The following TFAP2C variants were observed in gnomAD, a reference collection of about 807,000 sequenced individuals.
The protein encoded by TFAP2C is activating enhancer-binding protein 2 gamma.
A neutral mutation model predicts 42.9 loss-of-function variants in TFAP2C; 9 were observed. The ratio of observed to expected loss-of-function variants is 0.21; its 90% CI spans 0.13 to 0.37. The LOEUF (loss-of-function observed/expected upper bound fraction) is 0.37. Ranked by LOEUF, TFAP2C falls within the 10% of genes least tolerant of loss-of-function variation. TFAP2C has a pLI of 1.00. For missense variants in TFAP2C, 462 were observed against 591.7 expected, an observed-to-expected ratio of 0.78 and a Z score of 2.27; for synonymous variants, 264 against 256.0, an observed-to-expected ratio of 1.03 and a Z score of -0.30.
chr20:56,633,672 A>G, intron 4 of TFAP2C, 103 bp downstream of exon 4: 1 of 820,880 alleles, frequency 1.2e-6, no homozygotes, highest in South Asian at 1.6e-5. Flanking sequence ...TATGCCTAAC[A>G]CTGAATTCTA....
At position 56,634,174 on chromosome 20, in the gene TFAP2C, G is replaced by C. The variant is rs1300403318; in HGVS notation, c.828G>C (p.Arg276=). 1.9e-6 allele frequency: 3 copies of C among 1,613,934 alleles called. No homozygotes were observed. The highest frequency in any genetic ancestry group is 2.5e-6 in the Non-Finnish European group (3 of 1,179,962). Residue 276 remains arginine, a synonymous_variant, in exon 5 of 7, where the codon CGG becomes CGC. Coordinates refer to ENST00000201031, the MANE Select transcript of TFAP2C (RefSeq NM_003222.4). ...GAGCCAAATCGAAAAATGGAGGCCG[G>C]TCCTTGCGGGAGAAGTTGGACAAGA... ...LRRAKSKNGG[R]SLREKLDKIG... is the part of the protein sequence containing the mutation.
chr20:56,629,450 G>A lies in TFAP2C; in HGVS notation c.-95G>A. On this transcript the variant is annotated 5_prime_UTR_variant, in exon 1 of 7. Transcript: ENST00000201031. The surrounding 1 kb of genome is among the most constrained non-coding windows in gnomAD (Gnocchi z 5.9). ...GCGCGCGGCGGGGGCGGCGGCAGACGCCTGGTCACCGTGACCCCGATTTTG... is the reference window on the plus strand; with the variant it reads ...GCGCGCGGCGGGGGCGGCGGCAGACACCTGGTCACCGTGACCCCGATTTTG... 8.6e-7 allele frequency: 1 copy of A among 1,162,142 alleles called. No individual in the cohort carries two copies. Among genetic ancestry groups the A allele is most frequent in the Non-Finnish European group, 1.1e-6 (1 of 884,584 alleles). The allele number at this position is 1,162,142 out of a possible 1,614,324, so 72.0% of individuals were successfully genotyped here.
In TFAP2C at chr20:56,631,680, A is replaced by G; in HGVS notation, c.524A>G (p.Asp175Gly). The change falls in exon 2 of 7, where the codon GAC becomes GGC. Residue 175 changes from aspartate to glycine, a missense_variant. By Grantham distance (94) the Asp-to-Gly change is moderately conservative (BLOSUM62 -1). This residue lies in a region of TFAP2C where 271 missense variants were observed against 269.7 expected (regional missense o/e 1.00). Coordinates refer to ENST00000201031, the MANE Select transcript of TFAP2C (RefSeq NM_003222.4). The surrounding 1 kb of genome is among the most constrained non-coding windows in gnomAD (Gnocchi z 6.1). ...LGLHDMPHQM[D>G]EVQNVDDQHL... The stretch of plus-strand genomic sequence containing the variant: ...CTCCACGACATGCCTCACCAGATGG[A>G]CGAGGTGCAGGTGAGCGGCGCTGCG... The G allele has an allele frequency of 6.3e-7, 1 of 1,590,354 alleles. No individual in the cohort carries two copies.
intron 3 of TFAP2C, among the ~76,000 whole-genome samples, chr20:56,632,836 C>G (rs773121178): frequency 2.0e-5 from 3 of 151,932 alleles, no homozygotes; most frequent in Non-Finnish European, 2.9e-5. Context: ...AAAAAGAAAC[C>G]CTCCAAGCTT....
At chr20:56,636,937 A>G (rs1225495219) in intron 6 of TFAP2C, among the ~76,000 whole-genome samples, 183 bp downstream of exon 6, 3 of 152,234 alleles carry the variant, frequency 2.0e-5, no homozygotes, top group African/African-American at 7.2e-5. Flanking sequence ...TTTTTGTATG[A>G]TTTAGAAGAG....
chr20:56,632,874 G>A (rs896790847), intron 3 of TFAP2C, among the ~76,000 whole-genome samples: 2 of 151,962 alleles, frequency 1.3e-5, no homozygotes, highest in African/African-American at 4.8e-5. Flanking sequence ...ACTTCCCAAG[G>A]TGTTAACTTG....
Position 56,638,154 on chromosome 20 carries a change from T to G in TFAP2C, c.*141T>G. On this transcript the variant is annotated 3_prime_UTR_variant, in exon 7 of 7. Transcript: ENST00000201031. ...TACTATTTAAAGAGCCTTCACTGGTTCTGCATCACCCGCCCCTGGACTTCT... is the reference window on the plus strand; with the variant it reads ...TACTATTTAAAGAGCCTTCACTGGTGCTGCATCACCCGCCCCTGGACTTCT... 2 of 730,630 alleles carry G rather than the reference T, an allele frequency of 2.7e-6. No homozygotes were observed. Among genetic ancestry groups the G allele is most frequent in the South Asian group, 3.9e-5 (2 of 51,434 alleles). The allele number at this position is 730,630 out of a possible 1,614,324, so 45.3% of individuals were successfully genotyped here.
In TFAP2C at chr20:56,629,632, G is replaced by C; in HGVS notation, c.48+40G>C. 1 of 1,388,098 alleles carries C rather than the reference G, an allele frequency of 7.2e-7. No individual in the cohort carries two copies. The highest frequency in any genetic ancestry group is 9.4e-7 in the Non-Finnish European group (1 of 1,069,500). 86.0% of individuals were successfully genotyped at this position (1,388,098 alleles called of 1,614,324 possible). A position where few individuals can be genotyped will look rare whatever the true frequency, so the allele number is the denominator to read the frequency against. On this transcript the variant is annotated intron_variant, in intron 1 of 6. Transcript: ENST00000201031. This position sits in a 1 kb window ranked among gnomAD's most constrained non-coding sequence, Gnocchi z 5.9. The stretch of plus-strand genomic sequence containing the variant: ...CGGGGTGCAGCCCCGCCCCGCCGAG[G>C]ACAGTCCGGGAGGCAGGGGCCACTG...
In TFAP2C at chr20:56,633,546, G is replaced by A. The variant is rs139203976; in HGVS notation, c.780G>A (p.Ser260=). ...CCCCACCTGAATGCTTAAATGCCTC[G>A]TTACTGGGAGGTGTTCTCAGAAGGT... ...RLSPPECLNA[S]LLGGVLRRAK... The change falls in exon 4 of 7, where the codon TCG becomes TCA. Residue 260 remains serine (S), a synonymous_variant. Transcript: ENST00000201031. 23 of 1,613,958 alleles carry A rather than the reference G, an allele frequency of 1.4e-5. No individual in the cohort carries two copies. The highest frequency in any genetic ancestry group is 4.0e-5 in the African/African-American group (3 of 74,918).
chr20:56,631,011 C>T lies in TFAP2C; in HGVS notation c.49-194C>T, dbSNP rs561241360. 1.0e-6 allele frequency: 1 copy of T among 985,422 alleles called. No individual in the cohort carries two copies. Among genetic ancestry groups the T allele is most frequent in the African/African-American group, 1.7e-5 (1 of 57,370 alleles). The allele number at this position is 985,422 out of a possible 1,614,324, so 61.0% of individuals were successfully genotyped here. Reference sequence around the variant, plus strand: ...CAGGTCTTTCACCAGACTCTCCTCCCTCCCCGCACTCTTTGCTTACAACGA... The same window carrying T: ...CAGGTCTTTCACCAGACTCTCCTCCTTCCCCGCACTCTTTGCTTACAACGA... On this transcript the variant is annotated intron_variant, in intron 1 of 6. Coordinates refer to ENST00000201031, the MANE Select transcript of TFAP2C (RefSeq NM_003222.4). This position sits in a 1 kb window ranked among gnomAD's most constrained non-coding sequence, Gnocchi z 6.1.
chr20:56,631,942 C>A lies in TFAP2C; in HGVS notation c.586+86C>A. ...TGGCAAGGTTGGGGGTATTTGGTGG[C>A]CAGCGTGGGACATTTGTGGTAGAAG... On this transcript the variant is annotated intron_variant, in intron 3 of 6. Transcript: ENST00000201031. This position sits in a 1 kb window ranked among gnomAD's most constrained non-coding sequence, Gnocchi z 6.1. The A allele has an allele frequency of 6.8e-7, 1 of 1,460,922 alleles. No homozygotes were observed. Among genetic ancestry groups the A allele is most frequent in the Non-Finnish European group, 9.6e-7 (1 of 1,042,248 alleles). 90.5% of individuals were successfully genotyped at this position (1,460,922 alleles called of 1,614,324 possible).
At chr20:56,634,955 AAAAAC>A (rs1186916823) in intron 5 of TFAP2C, among the ~76,000 whole-genome samples, 2 of 152,230 alleles carry the variant, frequency 1.3e-5, no homozygotes, top group Admixed American at 6.5e-5. Context: ...ATAATTTTTT[AAAAAC>A]AAAACAAAGC....
rs758015521 is a variant in TFAP2C, at chr20:56,631,156, A to G, written c.49-49A>G. ...CCGGCGATGCCGGCCAGTTCGCAGT[A>G]GCGGGGTTTCGCACTAACGGGGTCT... On this transcript the variant is annotated intron_variant, in intron 1 of 6. Coordinates refer to ENST00000201031, the MANE Select transcript of TFAP2C (RefSeq NM_003222.4). This position sits in a 1 kb window ranked among gnomAD's most constrained non-coding sequence, Gnocchi z 6.1. The G allele has an allele frequency of 2.1e-5, 31 of 1,475,526 alleles. No homozygotes were observed. In the South Asian group the frequency reaches 3.8e-4, roughly 18 times the overall value. The allele number at this position is 1,475,526 out of a possible 1,614,324, so 91.4% of individuals were successfully genotyped here.
Position 56,631,560 on chromosome 20 carries a change from C to A in TFAP2C, c.404C>A (p.Ala135Glu). ...CACCTCTCCGGGCTGGAGGCGGGCG[C>A]GGTGAGCGCCCGCAGGGATGCCTAC... is the stretch of plus-strand genomic sequence containing the variant. ...LPHLSGLEAG[A>E]VSARRDAYRR... is the part of the protein sequence containing the mutation. The change falls in exon 2 of 7, where the codon GCG becomes GAG. Residue 135 changes from alanine (A) to glutamate (E), a missense_variant. By Grantham distance (107) the Ala-to-Glu change is moderately radical. Around this residue, in one of 5 missense-constraint regions of TFAP2C, gnomAD observed 271 missense variants for 269.7 expected, o/e 1.00. Coordinates refer to ENST00000201031, the MANE Select transcript of TFAP2C (RefSeq NM_003222.4). This position sits in a 1 kb window ranked among gnomAD's most constrained non-coding sequence, Gnocchi z 6.1. The A allele has an allele frequency of 6.5e-7, 1 of 1,530,508 alleles. No individual in the cohort carries two copies. The highest frequency in any genetic ancestry group is 1.2e-5 in the South Asian group (1 of 82,804). The allele number at this position is 1,530,508 out of a possible 1,614,324, so 94.8% of individuals were successfully genotyped here. A position where few individuals can be genotyped will look rare whatever the true frequency, so the allele number is the denominator to read the frequency against.
intron 4 of TFAP2C, among the ~76,000 whole-genome samples, 188 bp downstream of exon 4, chr20:56,633,757 T>C (rs541579615): frequency 2.0e-5 from 3 of 152,334 alleles, no homozygotes; most frequent in African/African-American, 7.2e-5. Flanking sequence ...AAAACGACGC[T>C]CACAAATTCT....
At chr20:56,632,862 TA>T (rs1987517456) in intron 3 of TFAP2C, among the ~76,000 whole-genome samples, 1 of 152,146 alleles carries the variant, frequency 6.6e-6, no homozygotes. Context: ...CTTCACTAAT[TA>T]ACTTCCCAAG....
chr20:56,633,593 A>C, intron 4 of TFAP2C, 24 bp downstream of exon 4: 1 of 1,593,740 alleles, frequency 6.3e-7, no homozygotes, highest in Non-Finnish European at 8.6e-7. Context: ...AATTCTAGGC[A>C]TAGTGGTTGG....
At position 56,631,642 on chromosome 20, in the gene TFAP2C, C is replaced by G. The variant is rs1349819003; in HGVS notation, c.486C>G (p.Ala162=). Residue 162 remains alanine (A), a synonymous_variant, in exon 2 of 7, where the codon GCC becomes GCG. Transcript: ENST00000201031. This position sits in a 1 kb window ranked among gnomAD's most constrained non-coding sequence, Gnocchi z 6.1. The stretch of plus-strand genomic sequence containing the variant: ...ACGCCCTGGATGCCGCGGGCCTGGC[C>G]GAGAACCTGGGGCTCCACGACATGC... ...HAHALDAAGL[A]ENLGLHDMPH... The G allele has an allele frequency of 4.4e-6, 7 of 1,580,408 alleles. No homozygotes were observed. The highest frequency in any genetic ancestry group is 6.0e-6 in the Non-Finnish European group (7 of 1,168,900).
chr20:56,631,608 C>A lies in TFAP2C; in HGVS notation c.452C>A (p.Pro151His). The change falls in exon 2 of 7, where the codon CCC (proline) becomes CAC (histidine). Residue 151 changes from proline to histidine, a missense_variant. Physicochemically the swap from Pro to His is moderately conservative, Grantham distance 77. Around this residue, in one of 5 missense-constraint regions of TFAP2C, gnomAD observed 271 missense variants for 269.7 expected, o/e 1.00. Transcript: ENST00000201031. This position sits in a 1 kb window ranked among gnomAD's most constrained non-coding sequence, Gnocchi z 6.1. ...TACCGCCGCTCCGACCTGCTGCTGC[C>A]CCACGCACACGCCCTGGATGCCGCG... ...DAYRRSDLLL[P>H]HAHALDAAGL... The A allele has an allele frequency of 6.4e-7, 1 of 1,564,316 alleles. No homozygotes were observed. Among genetic ancestry groups the A allele is most frequent in the South Asian group, 1.2e-5 (1 of 85,828 alleles).
Sources: gnomAD v4.1 joint callset for allele counts (sites outside exome capture counted in the v4.1 genomes callset) on GRCh38, gnomAD v4.1.1 for gene constraint, gnomAD v4.1.1 regional missense constraint, Gnocchi (gnomAD v3.1) non-coding constraint, MANE v1.5 for transcripts, NCBI Gene and HGNC (gene_info 2026-07-23, HGNC 2026-07-21) for gene names.